The following IQCJ variants were observed in gnomAD, a reference collection of about 807,000 sequenced individuals.
The protein encoded by IQCJ is IQ motif containing J.
IQCJ carries 9 observed loss-of-function variants against 11.0 expected under a neutral mutation model. The ratio of observed to expected loss-of-function variants is 0.82; its 90% CI spans 0.49 to 1.43. IQCJ has a LOEUF of 1.43. IQCJ is among the 40% of genes most tolerant of loss of function. The pLI is 0.00. For synonymous variants in IQCJ, 55 were observed against 51.3 expected, an observed-to-expected ratio of 1.07 and a Z score of -0.31; for missense variants, 146 against 133.2, an observed-to-expected ratio of 1.10 and a Z score of -0.47.
At chr3:159,139,411 A>G (rs566917329) in intron 1 of IQCJ, among the ~76,000 whole-genome samples, 3 of 152,214 alleles carry the variant, frequency 2.0e-5, no homozygotes, top group South Asian at 2.1e-4. Context: ...ATGCACCCCA[A>G]CTTCTCACTC....
intron 1 of IQCJ, among the ~76,000 whole-genome samples, chr3:159,141,215 G>A (rs767023725): frequency 6.6e-6 from 1 of 152,200 alleles, no homozygotes; most frequent in Non-Finnish European, 1.5e-5. Flanking sequence ...AGGCAAAGAG[G>A]AATTTGGAAA....
chr3:159,174,502 T>C (rs1039974153), intron 1 of IQCJ, among the ~76,000 whole-genome samples: 5 of 152,156 alleles, frequency 3.3e-5, no homozygotes, highest in Admixed American at 1.3e-4. Flanking sequence ...ATATTTCAAA[T>C]CATTTTTAGA....
intron 1 of IQCJ, among the ~76,000 whole-genome samples, chr3:159,089,916 A>G (rs1035622064): frequency 4.0e-5 from 6 of 151,834 alleles, no homozygotes; most frequent in Non-Finnish European, 5.9e-5. Flanking sequence ...TTCTTCTCTC[A>G]GCTCGTCAAA....
chr3:159,221,638 C>T (rs1051629213), intron 1 of IQCJ, among the ~76,000 whole-genome samples: 2 of 152,094 alleles, frequency 1.3e-5, no homozygotes, highest in Non-Finnish European at 2.9e-5. Flanking sequence ...CAGCTTTCTA[C>T]ATTTTTCCCT....
intron 1 of IQCJ, among the ~76,000 whole-genome samples, chr3:159,165,788 A>ATT (rs35878681): frequency 0.014 from 1,527 of 106,456 alleles, 26 homozygotes; most frequent in African/African-American, 0.043. Flanking sequence ...TAATTTTTGT[A>ATT]TTTTTTTTTT....
At chr3:159,079,634 C>T (rs73874795) in intron 1 of IQCJ, among the ~76,000 whole-genome samples, 2,639 of 152,028 alleles carry the variant, frequency 0.017, 67 homozygotes, top group African/African-American at 0.06. Flanking sequence ...TATGTTTTAA[C>T]GAAAACTCTA....
intron 1 of IQCJ, among the ~76,000 whole-genome samples, chr3:159,128,025 G>A (rs1347267422): frequency 6.6e-6 from 1 of 152,212 alleles, no homozygotes; most frequent in Non-Finnish European, 1.5e-5. Flanking sequence ...TTATTATAGT[G>A]TGTTTGAAAG....
intron 1 of IQCJ, among the ~76,000 whole-genome samples, chr3:159,092,016 T>A (rs1339635468): frequency 6.6e-6 from 1 of 151,780 alleles, no homozygotes; most frequent in Non-Finnish European, 1.5e-5. Context: ...AATATTCTCA[T>A]ACTCTCAAAG....
In IQCJ at chr3:159,164,538, T is replaced by G. The variant is rs190807627; in HGVS notation, c.10-81305T>G. On this transcript the variant is annotated intron_variant, in intron 1 of 3. Transcript: ENST00000397832. ...ATCCCAGCACTTTGTAAGGCCAAGG[T>G]GGGCGGATCACCTGAGGTCAGGAGT... Among the ~76,000 whole-genome samples, 440 of 152,260 alleles carry G rather than the reference T, an allele frequency of 2.9e-3. 3 individuals carry two copies. The highest frequency in any genetic ancestry group is 0.01 in the African/African-American group (425 of 41,544).
intron 1 of IQCJ, among the ~76,000 whole-genome samples, chr3:159,090,878 C>T (rs550353586): frequency 3.3e-5 from 5 of 152,000 alleles, no homozygotes; most frequent in African/African-American, 9.7e-5. Flanking sequence ...GTGGACATAA[C>T]ATAAAAGCCT....
downstream of IQCJ, among the ~76,000 whole-genome samples, chr3:159,264,152 A>G (rs892404099): frequency 6.6e-6 from 1 of 152,194 alleles, no homozygotes; most frequent in East Asian, 1.9e-4. Context: ...CTTTTTTTGT[A>G]CCTTCTCACA....
chr3:159,176,365 T>A (rs563571758), intron 1 of IQCJ, among the ~76,000 whole-genome samples: 1 of 152,258 alleles, frequency 6.6e-6, no homozygotes, highest in Non-Finnish European at 1.5e-5. Flanking sequence ...GAAATTGATA[T>A]ACCCATTTTA....
chr3:159,091,666 ACACGCATG>A (rs1407890400), intron 1 of IQCJ, among the ~76,000 whole-genome samples: 920 of 79,734 alleles, frequency 0.012, 7 homozygotes, highest in Non-Finnish European at 0.018. Context: ...ACACACACAC[ACACGCATG>A]CACACACACA....
intron 2 of IQCJ, among the ~76,000 whole-genome samples, chr3:159,248,368 A>G (rs540164678): frequency 6.6e-6 from 1 of 152,298 alleles, no homozygotes; most frequent in Admixed American, 6.5e-5. Context: ...CTGTTCATTT[A>G]TTTTTATTAT....
intron 1 of IQCJ, among the ~76,000 whole-genome samples, chr3:159,231,357 G>C (rs571889692): frequency 6.6e-6 from 1 of 152,210 alleles, no homozygotes; most frequent in South Asian, 2.1e-4. Flanking sequence ...TTTAGGATCT[G>C]GTTTTTAGTT....
intron 1 of IQCJ, among the ~76,000 whole-genome samples, chr3:159,227,790 G>A (rs1414219296): frequency 3.3e-5 from 5 of 152,228 alleles, no homozygotes; most frequent in Admixed American, 2.0e-4. Flanking sequence ...ATTTTCGGAA[G>A]AGCCTTTCCA....
intron 1 of IQCJ, among the ~76,000 whole-genome samples, chr3:159,149,367 C>T (rs565203042): frequency 1.1e-4 from 16 of 152,232 alleles, no homozygotes; most frequent in South Asian, 2.1e-4. Flanking sequence ...TTCATATGAA[C>T]GGTAGCTCTT....
Position 159,184,061 on chromosome 3 carries a change from C to T in IQCJ, c.10-61782C>T, listed in dbSNP as rs137868758. On this transcript the variant is annotated intron_variant, in intron 1 of 3. Coordinates refer to ENST00000397832, the MANE Select transcript of IQCJ (RefSeq NM_001042706.3). ...TTTCCCACCCTTACTTAAAATACTT[C>T]AGTGATTTTTCATTAAACTTTGAAT... 4.9e-3 allele frequency among the ~76,000 whole-genome samples: 742 copies of T among 151,736 alleles called. 5 individuals are homozygous for T. The highest frequency in any genetic ancestry group is 0.017 in the African/African-American group (709 of 41,292).
intron 1 of IQCJ, among the ~76,000 whole-genome samples, chr3:159,125,511 T>C (rs1231555736): frequency 6.6e-6 from 1 of 152,234 alleles, no homozygotes; most frequent in South Asian, 2.1e-4. Flanking sequence ...ACCATATTAA[T>C]GTAAGTTGCC....
Sources: allele counts gnomAD v4.1 joint callset (sites outside exome capture counted in the v4.1 genomes callset), GRCh38; gene constraint gnomAD v4.1.1; transcripts MANE v1.5; gene names NCBI Gene and HGNC (gene_info 2026-07-23, HGNC 2026-07-21).